KLHL38: variants seen among roughly 807,000 people sequenced by gnomAD.
The protein encoded by KLHL38 is kelch like family member 38, also known as kelch-like protein 38.
Under a neutral mutation model 39.6 loss-of-function variants are expected in KLHL38, and 38 were observed. The ratio of observed to expected loss-of-function variants is 0.96; its 90% CI spans 0.74 to 1.26. KLHL38 has a LOEUF of 1.26. KLHL38 is among the 50% of genes most tolerant of loss of function. The pLI is 0.00. For missense variants in KLHL38, 803 were observed against 748.1 expected, an observed-to-expected ratio of 1.07 and a Z score of -0.86; for synonymous variants, 322 against 302.2, an observed-to-expected ratio of 1.07 and a Z score of -0.68.
In KLHL38 at chr8:123,651,882, C is replaced by T. The variant is rs762318828; in HGVS notation, c.1045G>A (p.Val349Ile). ...GMAVSSGRSL[V>I]SHNVYIFSLK... ...GAGAAGATGTAGACATTGTGACTGACCAGACTCCTCCCTGAGCTGACAGCC... is the reference window on the plus strand; with the variant it reads ...GAGAAGATGTAGACATTGTGACTGATCAGACTCCTCCCTGAGCTGACAGCC... Residue 349 changes from valine to isoleucine, a missense_variant, in exon 2 of 4, where the codon GTC becomes ATC. Coordinates refer to ENST00000684634, the MANE Select transcript of KLHL38 (RefSeq NM_001081675.3). The T allele has an allele frequency of 8.1e-6, 13 of 1,614,176 alleles. No homozygotes were observed. Among genetic ancestry groups the T allele is most frequent in the African/African-American group, 2.7e-5 (2 of 75,060 alleles).
chr8:123,646,936 G>A lies in KLHL38; in HGVS notation c.1429C>T (p.Leu477Phe), dbSNP rs1818673873. Residue 477 changes from leucine (L) to phenylalanine (F), a missense_variant, in exon 3 of 4, where the codon CTT (leucine) becomes TTT (phenylalanine). Physicochemically the swap from Leu to Phe is conservative, Grantham distance 22. Transcript: ENST00000684634. ...CCCACAATGACAATCCGCTCCCCAA[G>A]CACCACTGCAGGGGCACACACGTTC... ...IKNVCAPAVVLGERIVIVGGY... is the reference protein window; with the variant it reads ...IKNVCAPAVVFGERIVIVGGY... The A allele has an allele frequency of 9.3e-6, 15 of 1,613,068 alleles. No homozygotes were observed. The highest frequency in any genetic ancestry group is 1.3e-5 in the Non-Finnish European group (15 of 1,179,556).
intron 1 of KLHL38, among the ~76,000 whole-genome samples, chr8:123,653,244 G>T (rs146031272): frequency 4.6e-5 from 7 of 152,230 alleles, no homozygotes; most frequent in Admixed American, 4.6e-4. Context: ...AAGCTGAAAT[G>T]TTAGTCTGAA....
At chr8:123,648,671 A>C (rs1818701143) in intron 2 of KLHL38, among the ~76,000 whole-genome samples, 1 of 152,226 alleles carries the variant, frequency 6.6e-6, no homozygotes, top group African/African-American at 2.4e-5. Context: ...AGGATAACAA[A>C]GGATGATCTT....
chr8:123,650,186 A>ACTCTCTCTGATTCT (rs1812614112), intron 2 of KLHL38, among the ~76,000 whole-genome samples: 1 of 151,192 alleles, frequency 6.6e-6, no homozygotes, highest in African/African-American at 2.4e-5. Flanking sequence ...TAACCCTGGC[A>ACTCTCTCTGATTCT]CTCTCTCTGA....
In KLHL38 at chr8:123,651,654, C is replaced by T. The variant is rs372771880; in HGVS notation, c.1273G>A (p.Ala425Thr). 553 of 1,613,766 alleles carry T rather than the reference C, an allele frequency of 3.4e-4. 7 individuals carry two copies. In the South Asian group the frequency reaches 5.2e-3, roughly 15 times the overall value. ...AGTCTTTGGTCTTTCACAGCGACTGCGGGGTGGAGCACCCCCACGGGCATG... is the reference window on the plus strand; with the variant it reads ...AGTCTTTGGTCTTTCACAGCGACTGTGGGGTGGAGCACCCCCACGGGCATG... ...ASMPVGVLHP[A>T]VAVKDQRLYL... is the part of the protein sequence containing the mutation. Residue 425 changes from alanine to threonine, a missense_variant, in exon 2 of 4, where the codon GCA becomes ACA. Ala to Thr is a moderately conservative substitution (Grantham distance 58). Transcript: ENST00000684634.
rs560010187 is a variant in KLHL38, at chr8:123,651,285, A to G, written c.1350+292T>C. The stretch of plus-strand genomic sequence containing the variant: ...TGTGTAGATATATGTAAATGTGTGT[A>G]TGCATGCATGAATTGTATATGTGTA... On this transcript the variant is annotated intron_variant, in intron 2 of 3. Coordinates refer to ENST00000684634, the MANE Select transcript of KLHL38 (RefSeq NM_001081675.3). Among the ~76,000 whole-genome samples, 4 of 152,172 alleles carry G rather than the reference A, an allele frequency of 2.6e-5. No individual in the cohort carries two copies. In the East Asian group the frequency reaches 7.8e-4, roughly 30 times the overall value.
At position 123,646,908 on chromosome 8, in the gene KLHL38, C is replaced by T. The variant is rs568307439; in HGVS notation, c.1456+1G>A. On this transcript the variant is annotated splice_donor_variant, in intron 3 of 3. Transcript: ENST00000684634. LOFTEE classifies it high-confidence loss of function. Reference sequence around the variant, plus strand: ...CCCAGTGATCCTCTGTTCAGACTCACCTCCCACAATGACAATCCGCTCCCC... The same window carrying T: ...CCCAGTGATCCTCTGTTCAGACTCATCTCCCACAATGACAATCCGCTCCCC... The T allele has an allele frequency of 2.5e-6, 4 of 1,606,638 alleles. No homozygotes were observed. Among genetic ancestry groups the T allele is most frequent in the Non-Finnish European group, 3.4e-6 (4 of 1,174,340 alleles).
At position 123,652,439 on chromosome 8, in the gene KLHL38, A is replaced by C. The variant is rs1207988474; in HGVS notation, c.488T>G (p.Phe163Cys). ...KKAREVALTS[F>C]PEVAASADLK... ...GTCGGCCGATGCGGCCACCTCTGGGAAGGACGTCAGTGCCACCTCCCTGGC... is the reference window on the plus strand; with the variant it reads ...GTCGGCCGATGCGGCCACCTCTGGGCAGGACGTCAGTGCCACCTCCCTGGC... The change falls in exon 2 of 4, where the codon TTC becomes TGC. Residue 163 changes from phenylalanine to cysteine, a missense_variant. Transcript: ENST00000684634. The C allele has an allele frequency of 6.2e-7, 1 of 1,614,100 alleles. No homozygotes were observed. The highest frequency in any genetic ancestry group is 1.1e-5 in the South Asian group (1 of 91,076).
chr8:123,648,630 A>T (rs1001364539), intron 2 of KLHL38, among the ~76,000 whole-genome samples: 13 of 152,338 alleles, frequency 8.5e-5, no homozygotes, highest in Non-Finnish European at 1.6e-4. Context: ...TTTGCTCACC[A>T]TGCTCATAAT....
At position 123,645,449 on chromosome 8, in the gene KLHL38, AAGAGAGAGAGAGAGAG is replaced by A. The variant is rs374414250; in HGVS notation, c.*274_*289del. ...GAAACTCCATCTCAAAAAAAAGAAA[AAGAGAGAGAGAGAGAG>A]AGAGAGAGAGAGAGACAGACAGAGA... On this transcript the variant is annotated 3_prime_UTR_variant, in exon 4 of 4. Transcript: ENST00000684634. The A allele has an allele frequency of 6.1e-6, 2 of 325,264 alleles. No individual in the cohort carries two copies. The highest frequency in any genetic ancestry group is 2.5e-5 in the African/African-American group (1 of 40,098). 20.1% of individuals were successfully genotyped at this position (325,264 alleles called of 1,614,324 possible). A position where few individuals can be genotyped will look rare whatever the true frequency, so the allele number is the denominator to read the frequency against.
chr8:123,646,875 G>T, intron 3 of KLHL38, 34 bp downstream of exon 3: 1 of 1,447,124 alleles, frequency 6.9e-7, no homozygotes, highest in Non-Finnish European at 9.6e-7. Context: ...TGCCAAGTTT[G>T]TGTCACGCCC....
chr8:123,651,060 C>A (rs1812632470), intron 2 of KLHL38, among the ~76,000 whole-genome samples: 1 of 152,238 alleles, frequency 6.6e-6, no homozygotes, highest in South Asian at 2.1e-4. Context: ...ATTTGATATC[C>A]TTTGTTATGT....
chr8:123,652,478 G>T lies in KLHL38; in HGVS notation c.449C>A (p.Thr150Asn). Residue 150 changes from threonine (T) to asparagine (N), a missense_variant, in exon 2 of 4, where the codon ACC becomes AAC. Coordinates refer to ENST00000684634, the MANE Select transcript of KLHL38 (RefSeq NM_001081675.3). ...IRLSEILSCETLKKKAREVAL... is the reference protein window; with the variant it reads ...IRLSEILSCENLKKKAREVAL... Reference sequence around the variant, plus strand: ...CACCTCCCTGGCTTTCTTCTTGAGGGTCTCGCAGCTTAAGATTTCTGAGAG... The same window carrying T: ...CACCTCCCTGGCTTTCTTCTTGAGGTTCTCGCAGCTTAAGATTTCTGAGAG... The T allele has an allele frequency of 6.2e-7, 1 of 1,614,182 alleles. No homozygotes were observed. Among genetic ancestry groups the T allele is most frequent in the Non-Finnish European group, 8.5e-7 (1 of 1,180,032 alleles).
chr8:123,649,808 G>A (rs1309961242), intron 2 of KLHL38, among the ~76,000 whole-genome samples: 1 of 152,076 alleles, frequency 6.6e-6, no homozygotes, highest in East Asian at 1.9e-4. Context: ...ACTGATGCCC[G>A]CCCCTAGCCA....
In KLHL38 at chr8:123,652,860, G is replaced by C. The variant is rs1411512324; in HGVS notation, c.67C>G (p.Gln23Glu). 6.2e-7 allele frequency: 1 copy of C among 1,607,456 alleles called. No homozygotes were observed. The change falls in exon 2 of 4, where the codon CAG (glutamine) becomes GAG (glutamate). Residue 23 changes from glutamine (Q) to glutamate (E), a missense_variant. Physicochemically the swap from Gln to Glu is conservative, Grantham distance 29. Coordinates refer to ENST00000684634, the MANE Select transcript of KLHL38 (RefSeq NM_001081675.3). The stretch of plus-strand genomic sequence containing the variant: ...CTGCTTTGCCTTAAGCTGTTGAGCT[G>C]CCTCAACAAGTCAGAAGAGAAGTCG... ...DHDFSSDLLR[Q>E]LNSLRQSRIL...
In KLHL38 at chr8:123,652,935, G is replaced by C; in HGVS notation, c.-1-8C>G. 1 of 1,579,704 alleles carries C rather than the reference G, an allele frequency of 6.3e-7. No individual in the cohort carries two copies. The highest frequency in any genetic ancestry group is 8.6e-7 in the Non-Finnish European group (1 of 1,168,348). ...AGTGACTCCTCGTCCATCCTACAAAGAGGGAAGGAAGCCCCCAGAGTCAGC... is the reference window on the plus strand; with the variant it reads ...AGTGACTCCTCGTCCATCCTACAAACAGGGAAGGAAGCCCCCAGAGTCAGC... On this transcript the variant is annotated splice_region_variant and splice_polypyrimidine_tract_variant and intron_variant, in intron 1 of 3. Transcript: ENST00000684634.
rs1818635348 is a variant in KLHL38 at position 123,645,126 on chromosome 8, G to T, written c.*613C>A. Among the ~76,000 whole-genome samples, 2 of 151,482 alleles carry T rather than the reference G, an allele frequency of 1.3e-5. No homozygotes were observed. The highest frequency in any genetic ancestry group is 4.8e-5 in the African/African-American group (2 of 41,252). On this transcript the variant is annotated 3_prime_UTR_variant, in exon 4 of 4. Coordinates refer to ENST00000684634, the MANE Select transcript of KLHL38 (RefSeq NM_001081675.3). Reference sequence around the variant, plus strand: ...GGGGGAGACAGACAGAGAGAGAGAAGAGAGACAGAAACTGAGACAGAAAGG... The same window carrying T: ...GGGGGAGACAGACAGAGAGAGAGAATAGAGACAGAAACTGAGACAGAAAGG...
chr8:123,648,724 G>A (rs1812573212), intron 2 of KLHL38, among the ~76,000 whole-genome samples: 1 of 152,168 alleles, frequency 6.6e-6, no homozygotes, highest in African/African-American at 2.4e-5. Flanking sequence ...TAAAGGATTT[G>A]CTTAATGCCA....
chr8:123,650,890 G>A (rs1226495094), intron 2 of KLHL38, among the ~76,000 whole-genome samples: 1 of 152,124 alleles, frequency 6.6e-6, no homozygotes, highest in African/African-American at 2.4e-5. Flanking sequence ...ACCAAGGCTT[G>A]GGAATCTTCT....
Sources: gnomAD v4.1 joint callset for allele counts (sites outside exome capture counted in the v4.1 genomes callset) on GRCh38, gnomAD v4.1.1 for gene constraint, MANE v1.5 for transcripts, NCBI Gene and HGNC (gene_info 2026-07-23, HGNC 2026-07-21) for gene names.